The following MAGI1 variants were observed in gnomAD, a reference collection of about 807,000 sequenced individuals.
MAGI1 encodes the protein membrane associated guanylate kinase, WW and PDZ domain containing 1, also known as membrane-associated guanylate kinase, WW and PDZ domain-containing protein 1.
A neutral mutation model predicts 139.9 loss-of-function variants in MAGI1; 58 were observed. The ratio of observed to expected loss-of-function variants is 0.41; its 90% CI spans 0.34 to 0.52. The LOEUF (loss-of-function observed/expected upper bound fraction) is 0.52. Ranked by LOEUF, MAGI1 falls within the 20% of genes least tolerant of loss-of-function variation. The pLI is 0.12. For missense variants in MAGI1, 1,874 were observed against 1,901.6 expected (o/e 0.99, Z 0.27); for synonymous variants, 812 against 737.9 (o/e 1.10, Z -1.63).
rs1268564844 is a variant in MAGI1 at position 65,355,281 on chromosome 3, A to C, written c.*1097T>G. ...CTTCCTTTCCCTTCTACCAACCTAG[A>C]GACTTGGACTATGGTTTCAAAGTGA... On this transcript the variant is annotated 3_prime_UTR_variant, in exon 23 of 23. Coordinates refer to ENST00000402939, the MANE Select transcript of MAGI1 (RefSeq NM_001033057.2). The C allele has an allele frequency of 6.6e-6, 1 of 152,208 alleles. No individual in the cohort carries two copies. Among genetic ancestry groups the C allele is most frequent in the African/African-American group, 2.4e-5 (1 of 41,458 alleles). The allele number at this position is 152,208 out of a possible 1,614,324, so 9.4% of individuals were successfully genotyped here.
chr3:65,435,511 A>G (rs1015115131), intron 10 of MAGI1, among the ~76,000 whole-genome samples: 1 of 145,790 alleles, frequency 6.9e-6, no homozygotes, highest in Non-Finnish European at 1.5e-5. Flanking sequence ...TGGAAGATGG[A>G]TGGATACTGT....
intron 3 of MAGI1, among the ~76,000 whole-genome samples, chr3:65,488,985 T>C (rs1239207769): frequency 6.6e-6 from 1 of 152,154 alleles, no homozygotes; most frequent in African/African-American, 2.4e-5. Context: ...ATTGTTTATG[T>C]TTAATCTGCC....
chr3:65,781,465 T>A (rs2038925811), intron 1 of MAGI1, among the ~76,000 whole-genome samples: 1 of 152,218 alleles, frequency 6.6e-6, no homozygotes, highest in Non-Finnish European at 1.5e-5. Flanking sequence ...GTGCAGGATG[T>A]ACAGGTTTGT....
chr3:65,817,013 A>G (rs2041647962), intron 1 of MAGI1, among the ~76,000 whole-genome samples: 1 of 152,240 alleles, frequency 6.6e-6, no homozygotes, highest in Non-Finnish European at 1.5e-5. Flanking sequence ...TCAATCATAC[A>G]TGCAGAATAA....
chr3:65,625,909 T>C lies in MAGI1; in HGVS notation c.314-3821A>G, dbSNP rs184724090. On this transcript the variant is annotated intron_variant, in intron 1 of 22. Transcript: ENST00000402939. Reference sequence around the variant, plus strand: ...TCATTAATAAACATTTAGTGTGTGGTTAATGTATTCCAGGCATTGTGCTGG... The same window carrying C: ...TCATTAATAAACATTTAGTGTGTGGCTAATGTATTCCAGGCATTGTGCTGG... Among the ~76,000 whole-genome samples the C allele has an allele frequency of 3.6e-3, 554 of 152,310 alleles. 7 individuals are homozygous for C. The highest frequency in any genetic ancestry group is 0.013 in the African/African-American group (534 of 41,560).
chr3:65,883,791 A>G (rs1457095501), intron 1 of MAGI1, among the ~76,000 whole-genome samples: 2 of 152,196 alleles, frequency 1.3e-5, no homozygotes, highest in African/African-American at 2.4e-5. Flanking sequence ...CTGCAGCAGT[A>G]ACAACTGTTT....
At chr3:65,903,552 C>T (rs901756705) in intron 1 of MAGI1, among the ~76,000 whole-genome samples, 5 of 152,176 alleles carry the variant, frequency 3.3e-5, no homozygotes, top group Admixed American at 2.0e-4. Flanking sequence ...CGCACATACA[C>T]GCATGCCTGC....
chr3:65,519,973 C>T (rs1048868383), intron 2 of MAGI1, among the ~76,000 whole-genome samples: 9 of 152,156 alleles, frequency 5.9e-5, no homozygotes, highest in African/African-American at 1.2e-4. Flanking sequence ...TCCTTTGGCA[C>T]AGCAGCTCTT....
chr3:65,565,199 ATC>A (rs1293314519), intron 2 of MAGI1, among the ~76,000 whole-genome samples: 3 of 152,322 alleles, frequency 2.0e-5, no homozygotes, highest in African/African-American at 4.8e-5. Context: ...GATTTAAGAC[ATC>A]TTTTTCCATT....
At chr3:65,413,662 G>A (rs1265331367) in intron 12 of MAGI1, among the ~76,000 whole-genome samples, 2 of 152,214 alleles carry the variant, frequency 1.3e-5, no homozygotes, top group Non-Finnish European at 2.9e-5. Flanking sequence ...ATGAAGGGCA[G>A]GAGACGCTTG....
chr3:65,369,844 C>G (rs1307949502), intron 18 of MAGI1, among the ~76,000 whole-genome samples: 1 of 152,156 alleles, frequency 6.6e-6, no homozygotes, highest in Non-Finnish European at 1.5e-5. Flanking sequence ...TTAGAAACCA[C>G]TCTGAGTTAA....
chr3:65,382,146 G>T (rs1192924177), intron 15 of MAGI1, 77 bp from the exon 16 acceptor site: 1 of 1,225,080 alleles, frequency 8.2e-7, no homozygotes. Context: ...CACATCTCTG[G>T]GAACAATTCA....
chr3:65,755,178 C>A (rs969118686), intron 1 of MAGI1, among the ~76,000 whole-genome samples: 1 of 152,040 alleles, frequency 6.6e-6, no homozygotes, highest in African/African-American at 2.4e-5. Flanking sequence ...AAACTGCTGA[C>A]CTCAGGTGAT....
At chr3:65,834,972 G>T (rs553155397) in intron 1 of MAGI1, among the ~76,000 whole-genome samples, 2 of 152,162 alleles carry the variant, frequency 1.3e-5, no homozygotes, top group Non-Finnish European at 2.9e-5. Context: ...TGCCTATATT[G>T]TTTCATTTGA....
At chr3:65,738,350 AAT>A (rs924506312) in intron 1 of MAGI1, among the ~76,000 whole-genome samples, 3 of 152,014 alleles carry the variant, frequency 2.0e-5, no homozygotes, top group Non-Finnish European at 4.4e-5. Flanking sequence ...TTAAAAAAAA[AAT>A]TTTTTTGTGG....
At chr3:66,004,821 A>C (rs1465353491) in intron 1 of MAGI1, among the ~76,000 whole-genome samples, 1 of 152,188 alleles carries the variant, frequency 6.6e-6, no homozygotes, top group Non-Finnish European at 1.5e-5. Flanking sequence ...TCTGACAGGC[A>C]AAAGATCACA....
intron 2 of MAGI1, among the ~76,000 whole-genome samples, chr3:65,538,856 CAGACACACAT>C (rs1044181933): frequency 2.0e-5 from 3 of 152,148 alleles, no homozygotes; most frequent in African/African-American, 7.2e-5. Flanking sequence ...TACCAACAAA[CAGACACACAT>C]ACCAACTGCC....
At chr3:65,862,781 T>C (rs1436465873) in intron 1 of MAGI1, among the ~76,000 whole-genome samples, 3 of 152,196 alleles carry the variant, frequency 2.0e-5, no homozygotes, top group Non-Finnish European at 2.9e-5. Flanking sequence ...GAATCACCAC[T>C]TAGAAGAGAG....
chr3:65,473,444 C>A (rs938779840), intron 4 of MAGI1, among the ~76,000 whole-genome samples: 10 of 152,112 alleles, frequency 6.6e-5, no homozygotes, highest in Non-Finnish European at 2.9e-5. Context: ...ATTGCAACTA[C>A]AACTGTCCAA....
Sources: gnomAD v4.1 joint callset for allele counts (sites outside exome capture counted in the v4.1 genomes callset) on GRCh38, gnomAD v4.1.1 for gene constraint, MANE v1.5 for transcripts, NCBI Gene and HGNC (gene_info 2026-07-23, HGNC 2026-07-21) for gene names.